Variants in NLGN1 observed in about 807,000 individuals in gnomAD.
NLGN1 encodes the protein neuroligin 1.
A neutral mutation model predicts 65.5 loss-of-function variants in NLGN1; 12 were observed. That is an observed-to-expected ratio of 0.18 (90% confidence interval 0.12 to 0.30). NLGN1 has a LOEUF of 0.30. Ranked by LOEUF, NLGN1 falls within the 10% of genes least tolerant of loss-of-function variation. The pLI, the probability that NLGN1 is intolerant of heterozygous loss-of-function variation, is 1.00. For missense variants in NLGN1, 750 were observed against 1,007.1 expected (o/e 0.74, Z 3.46); for synonymous variants, 350 against 359.5 (o/e 0.97, Z 0.30).
chr3:173,594,385 C>T (rs1239132722), intron 2 of NLGN1, among the ~76,000 whole-genome samples: 1 of 152,188 alleles, frequency 6.6e-6, no homozygotes, highest in African/African-American at 2.4e-5. Flanking sequence ...TCTTAAAGCT[C>T]CAAAATAATG....
intron 4 of NLGN1, among the ~76,000 whole-genome samples, chr3:174,050,393 G>T (rs1340424514): frequency 6.6e-6 from 1 of 151,780 alleles, no homozygotes; most frequent in Non-Finnish European, 1.5e-5. Flanking sequence ...TTTGGACTTT[G>T]AAACATTTTT....
At chr3:173,432,225 C>A (rs1364580792) in intron 1 of NLGN1, among the ~76,000 whole-genome samples, 1 of 152,192 alleles carries the variant, frequency 6.6e-6, no homozygotes, top group African/African-American at 2.4e-5. Flanking sequence ...AAGTTTTCAA[C>A]TTCTTTGTGG....
intron 3 of NLGN1, among the ~76,000 whole-genome samples, chr3:173,748,407 A>G (rs1020059293): frequency 2.6e-5 from 4 of 152,126 alleles, no homozygotes; most frequent in Admixed American, 1.3e-4. Context: ...ACTTCTGATG[A>G]CAGCTTCTGG....
intron 4 of NLGN1, among the ~76,000 whole-genome samples, chr3:173,931,684 T>G (rs1033252511): frequency 6.6e-6 from 1 of 152,118 alleles, no homozygotes; most frequent in Non-Finnish European, 1.5e-5. Flanking sequence ...TTGAAGAATT[T>G]TACCTTGCCT....
chr3:174,215,707 C>G (rs528655530), intron 4 of NLGN1, among the ~76,000 whole-genome samples: 1 of 152,006 alleles, frequency 6.6e-6, no homozygotes, highest in South Asian at 2.1e-4. Flanking sequence ...TTCAAATGAA[C>G]GAGTCAGTAA....
At chr3:173,702,732 C>T (rs77492062) in intron 3 of NLGN1, among the ~76,000 whole-genome samples, 13,924 of 152,152 alleles carry the variant, frequency 0.092, 644 homozygotes, top group African/African-American at 0.099. Context: ...TTGTGGATGA[C>T]ACTTCACTGC....
intron 1 of NLGN1, among the ~76,000 whole-genome samples, chr3:173,432,661 T>C (rs532392081): frequency 6.6e-6 from 1 of 152,218 alleles, no homozygotes; most frequent in Non-Finnish European, 1.5e-5. Flanking sequence ...ATCATTTTCA[T>C]CTAGTCTGTG....
intron 2 of NLGN1, among the ~76,000 whole-genome samples, chr3:173,474,474 T>C (rs1725849455): frequency 6.6e-6 from 1 of 152,190 alleles, no homozygotes; most frequent in Non-Finnish European, 1.5e-5. Flanking sequence ...TATATTCTCA[T>C]ATGCAAATAT....
chr3:173,941,062 A>C (rs1444706348), intron 4 of NLGN1, among the ~76,000 whole-genome samples: 3 of 152,158 alleles, frequency 2.0e-5, no homozygotes, highest in African/African-American at 7.2e-5. Flanking sequence ...ATTAGTTATG[A>C]AGAGAAAACA....
In NLGN1 at chr3:173,807,648, A is replaced by G. The variant is rs751936292; in HGVS notation, c.494-32A>G. ...GCTTCATTGTGTGTTATTTTTGAGG[A>G]TAAGAACGATTGCCAACCATTTGTT... On this transcript the variant is annotated intron_variant, in intron 3 of 6. Coordinates refer to ENST00000457714, the Ensembl canonical transcript of NLGN1. The G allele has an allele frequency of 1.6e-5, 25 of 1,607,850 alleles. No homozygotes were observed. The Admixed American group carries it at 4.2e-4, about 27-fold the overall frequency.
chr3:174,282,591 A>G (rs1280472478), exon 7 of NLGN1: 1 of 152,140 alleles, frequency 6.6e-6, no homozygotes, highest in Non-Finnish European at 1.5e-5. Context: ...TCTTACACAT[A>G]TGTGTGATTT....
chr3:173,738,701 G>T (rs991232676), intron 3 of NLGN1, among the ~76,000 whole-genome samples: 2 of 152,026 alleles, frequency 1.3e-5, no homozygotes, highest in African/African-American at 4.8e-5. Flanking sequence ...GTTTATTTTT[G>T]AGATCGTTTT....
rs890777467 is a variant in NLGN1, at chr3:174,105,275, C to T, written c.647-170040C>T. 2.6e-5 allele frequency among the ~76,000 whole-genome samples: 4 copies of T among 152,214 alleles called. No individual in the cohort carries two copies. The East Asian group carries it at 7.8e-4, about 30-fold the overall frequency. On this transcript the variant is annotated intron_variant, in intron 4 of 6. Coordinates refer to ENST00000457714, the Ensembl canonical transcript of NLGN1. ...AGTTTGGCTGGCTGACATGGTGGCT[C>T]ATGCCTGTCATCCCAGCCTTTGGGA...
chr3:174,181,002 A>G (rs1021195352), intron 4 of NLGN1, among the ~76,000 whole-genome samples: 3 of 152,186 alleles, frequency 2.0e-5, no homozygotes, highest in Non-Finnish European at 4.4e-5. Context: ...AATTTGATTT[A>G]CATCACTGCA....
intron 2 of NLGN1, among the ~76,000 whole-genome samples, chr3:173,524,530 C>A (rs1735314340): frequency 1.3e-5 from 2 of 152,166 alleles, no homozygotes; most frequent in South Asian, 4.1e-4. Flanking sequence ...CTTGGCTTCT[C>A]TTTTCTAATC....
At chr3:174,003,482 A>C (rs958508094) in intron 4 of NLGN1, among the ~76,000 whole-genome samples, 1 of 152,180 alleles carries the variant, frequency 6.6e-6, no homozygotes, top group East Asian at 1.9e-4. Flanking sequence ...ACTTTTGTAA[A>C]TTATGGAGTC....
At chr3:173,453,361 G>A (rs1005070483) in intron 2 of NLGN1, among the ~76,000 whole-genome samples, 2 of 151,644 alleles carry the variant, frequency 1.3e-5, no homozygotes, top group Non-Finnish European at 2.9e-5. Context: ...GCCTCCCAAA[G>A]TGCTGGGATT....
chr3:174,103,315 C>G (rs1712974008), intron 4 of NLGN1, among the ~76,000 whole-genome samples: 1 of 152,080 alleles, frequency 6.6e-6, no homozygotes, highest in Non-Finnish European at 1.5e-5. Flanking sequence ...TAAAGAGTAA[C>G]AATTGCTGTA....
At chr3:173,989,764 C>A (rs929126339) in intron 4 of NLGN1, among the ~76,000 whole-genome samples, 3 of 152,158 alleles carry the variant, frequency 2.0e-5, no homozygotes, top group Admixed American at 6.5e-5. Context: ...TCCTTTTCCC[C>A]GTGCTCAGCA....
Sources: gnomAD v4.1 joint callset for allele counts (sites outside exome capture counted in the v4.1 genomes callset) on GRCh38, gnomAD v4.1.1 for gene constraint, MANE v1.5 for transcripts, NCBI Gene and HGNC (gene_info 2026-07-23, HGNC 2026-07-21) for gene names.